The following TNFAIP8 variants were observed in gnomAD, a reference collection of about 807,000 sequenced individuals.
TNFAIP8 encodes tumor necrosis factor alpha-induced protein 8.
TNFAIP8 carries 7 observed loss-of-function variants against 13.3 expected under a neutral mutation model. That is an observed-to-expected ratio of 0.52 (90% CI 0.30 to 0.99). The LOEUF is 0.99. Ranked by LOEUF, TNFAIP8 falls within the 50% of genes least tolerant of loss-of-function variation. TNFAIP8 has a pLI of 0.07. For synonymous variants in TNFAIP8, 94 were observed against 87.6 expected (o/e 1.07, Z -0.41); for missense variants, 258 against 236.9 (o/e 1.09, Z -0.58).
At chr5:119,311,706 A>AAAAAAAAAAAC in intron 1 of TNFAIP8, among the ~76,000 whole-genome samples, 1 of 151,426 alleles carries the variant, frequency 6.6e-6, no homozygotes, top group Non-Finnish European at 1.5e-5. Context: ...AAAAAAAAAA[A>AAAAAAAAAAAC]AAATCAGTGA....
In TNFAIP8 at chr5:119,398,993, A is replaced by G. The variant is rs1279471145; in HGVS notation, c.*5612A>G. The G allele has an allele frequency of 6.6e-6, 1 of 152,054 alleles. No homozygotes were observed. The highest frequency in any genetic ancestry group is 6.5e-5 in the Admixed American group (1 of 15,280). 9.4% of individuals were successfully genotyped at this position (152,054 alleles called of 1,614,324 possible). On this transcript the variant is annotated 3_prime_UTR_variant, in exon 2 of 2. Transcript: ENST00000504771. The stretch of plus-strand genomic sequence containing the variant: ...CCTGCTAAGCAAATTATAAAATACT[A>G]TAAGACATTTAATCTCCTGGAAGAG...
intron 1 of TNFAIP8, among the ~76,000 whole-genome samples, chr5:119,376,295 A>G (rs1752278470): frequency 6.6e-6 from 1 of 152,032 alleles, no homozygotes; most frequent in African/African-American, 2.4e-5. Flanking sequence ...TTGTATTTTT[A>G]GTAGAGATGG....
rs397963876 is a variant in TNFAIP8, at chr5:119,394,611, A to ATTTTTTTTTTTTTTT, written c.*1235_*1249dup. The ATTTTTTTTTTTTTTT allele has an allele frequency of 1.8e-4, 21 of 114,680 alleles. 1 individual carries two copies. The highest frequency in any genetic ancestry group is 8.5e-4 in the African/African-American group (21 of 24,786). The allele number at this position is 114,680 out of a possible 1,614,324, so 7.1% of individuals were successfully genotyped here. On this transcript the variant is annotated 3_prime_UTR_variant, in exon 2 of 2. Coordinates refer to ENST00000504771, the MANE Select transcript of TNFAIP8 (RefSeq NM_014350.4). Reference sequence around the variant, plus strand: ...CATTTCCATTGTCACTGTGTCTATGATTTTTTTTTTTTTTTTTTTGAGTCT... The same window carrying ATTTTTTTTTTTTTTT: ...CATTTCCATTGTCACTGTGTCTATGATTTTTTTTTTTTTTTTTTTTTTTTTTTTTTTTTTGAGTCT...
chr5:119,369,461 T>A (rs1343631978), intron 1 of TNFAIP8, among the ~76,000 whole-genome samples: 2 of 152,170 alleles, frequency 1.3e-5, no homozygotes, highest in South Asian at 2.1e-4. Flanking sequence ...CGTCTTCTAG[T>A]TTTTATGATG....
chr5:119,350,382 C>T lies in TNFAIP8; in HGVS notation c.2-42434C>T, dbSNP rs147503635. Among the ~76,000 whole-genome samples, 7 of 152,284 alleles carry T rather than the reference C, an allele frequency of 4.6e-5. No homozygotes were observed. The East Asian group carries it at 1.3e-3, about 29-fold the overall frequency. On this transcript the variant is annotated intron_variant, in intron 1 of 1. Coordinates refer to the TNFAIP8 transcript ENST00000274456. ...TGTAAGTTATATGCAAATACTTCAC[C>T]ATTTTATATGAGACTTGAGCATCTT...
chr5:119,325,588 C>G (rs949424665), intron 1 of TNFAIP8, among the ~76,000 whole-genome samples: 1 of 152,236 alleles, frequency 6.6e-6, no homozygotes, highest in African/African-American at 2.4e-5. Context: ...GCTGGGACTA[C>G]AGGCGTCCGC....
chr5:119,357,895 A>T (rs567833998), intron 1 of TNFAIP8, among the ~76,000 whole-genome samples: 2 of 152,250 alleles, frequency 1.3e-5, no homozygotes, highest in South Asian at 4.1e-4. Context: ...TATTAATCAG[A>T]TAGAATCATA....
At chr5:119,271,373 G>T (rs1748287024) in intron 1 of TNFAIP8, among the ~76,000 whole-genome samples, 1 of 152,148 alleles carries the variant, frequency 6.6e-6, no homozygotes, top group African/African-American at 2.4e-5. Context: ...ATATTTAATT[G>T]ATCCAATTAA....
intron 1 of TNFAIP8, among the ~76,000 whole-genome samples, chr5:119,350,184 A>T (rs373815663): frequency 1.3e-5 from 2 of 152,194 alleles, no homozygotes; most frequent in African/African-American, 4.8e-5. Flanking sequence ...TGTGGATTCA[A>T]TCAACAGCAG....
chr5:119,370,161 T>G (rs1399963995), intron 1 of TNFAIP8, among the ~76,000 whole-genome samples: 1 of 152,244 alleles, frequency 6.6e-6, no homozygotes, highest in Non-Finnish European at 1.5e-5. Flanking sequence ...TGTTTTAATT[T>G]GTTGGAATTT....
rs529796247 is a variant in TNFAIP8 at position 119,399,575 on chromosome 5, T to A, written c.*6194T>A. ...TCCAGTCTCCTTAAAAAAAAATCGGTTTTTGCTTTCAATTTAGGAAAATTG... is the reference window on the plus strand; with the variant it reads ...TCCAGTCTCCTTAAAAAAAAATCGGATTTTGCTTTCAATTTAGGAAAATTG... On this transcript the variant is annotated 3_prime_UTR_variant, in exon 2 of 2. Coordinates refer to ENST00000504771, the MANE Select transcript of TNFAIP8 (RefSeq NM_014350.4). 1 of 152,180 alleles carries A rather than the reference T, an allele frequency of 6.6e-6. No individual in the cohort carries two copies. The highest frequency in any genetic ancestry group is 2.1e-4 in the South Asian group (1 of 4,814). 9.4% of individuals were successfully genotyped at this position (152,180 alleles called of 1,614,324 possible).
rs916146789 is a variant in TNFAIP8, at chr5:119,398,852, C to T, written c.*5471C>T. ...TTATAAGAAGCTGAGGTTTCGTCTT[C>T]CTAGAAATGGACTTTTATTAGGCCA... On this transcript the variant is annotated 3_prime_UTR_variant, in exon 2 of 2. Coordinates refer to ENST00000504771, the MANE Select transcript of TNFAIP8 (RefSeq NM_014350.4). 2 of 152,196 alleles carry T rather than the reference C, an allele frequency of 1.3e-5. No homozygotes were observed. Among genetic ancestry groups the T allele is most frequent in the African/African-American group, 4.8e-5 (2 of 41,438 alleles). 9.4% of individuals were successfully genotyped at this position (152,196 alleles called of 1,614,324 possible). A position where few individuals can be genotyped will look rare whatever the true frequency, so the allele number is the denominator to read the frequency against.
At chr5:119,357,210 G>A (rs1751463557) in intron 1 of TNFAIP8, among the ~76,000 whole-genome samples, 1 of 152,156 alleles carries the variant, frequency 6.6e-6, no homozygotes, top group Non-Finnish European at 1.5e-5. Flanking sequence ...GAGGGAAATA[G>A]TCAATAAAAA....
intron 1 of TNFAIP8, among the ~76,000 whole-genome samples, chr5:119,340,684 T>TG (rs1750705782): frequency 6.6e-6 from 1 of 151,650 alleles, no homozygotes; most frequent in Admixed American, 6.6e-5. Context: ...GGGGTAGGGG[T>TG]GGGGACTTTG....
At chr5:119,286,388 G>A (rs1368321851) in intron 1 of TNFAIP8, among the ~76,000 whole-genome samples, 9 of 152,276 alleles carry the variant, frequency 5.9e-5, no homozygotes, top group South Asian at 4.1e-4. Flanking sequence ...TTTGGAGGCC[G>A]AGGTGGGTGG....
At chr5:119,386,055 T>C (rs1752656824) in intron 1 of TNFAIP8, among the ~76,000 whole-genome samples, 1 of 152,212 alleles carries the variant, frequency 6.6e-6, no homozygotes, top group African/African-American at 2.4e-5. Flanking sequence ...AAGTATACTA[T>C]AGTTTTCCAG....
intron 1 of TNFAIP8, among the ~76,000 whole-genome samples, chr5:119,295,427 A>G (rs553141773): frequency 6.1e-4 from 93 of 151,930 alleles, no homozygotes; most frequent in African/African-American, 2.0e-3. Context: ...TTTGTCAAAG[A>G]TCAGATAGTT....
chr5:119,299,821 C>G (rs1163800808), intron 1 of TNFAIP8, among the ~76,000 whole-genome samples: 1 of 152,208 alleles, frequency 6.6e-6, no homozygotes, highest in African/African-American at 2.4e-5. Flanking sequence ...TGGCGGGCGC[C>G]CTTCCCCCAG....
intron 1 of TNFAIP8, among the ~76,000 whole-genome samples, chr5:119,362,535 C>T (rs1425517869): frequency 6.6e-6 from 1 of 152,088 alleles, no homozygotes; most frequent in Non-Finnish European, 1.5e-5. Flanking sequence ...ATGGCTCACA[C>T]CTGTAATTAC....
Sources: gnomAD v4.1 joint callset for allele counts (sites outside exome capture counted in the v4.1 genomes callset) on GRCh38, gnomAD v4.1.1 for gene constraint, MANE v1.5 for transcripts, NCBI Gene and HGNC (gene_info 2026-07-23, HGNC 2026-07-21) for gene names.